PYGM: variants seen among roughly 807,000 people sequenced by gnomAD.
PYGM encodes glycogen phosphorylase, muscle associated.
A neutral mutation model predicts 99.3 loss-of-function variants in PYGM; 81 were observed. The ratio of observed to expected loss-of-function variants is 0.82; its 90% confidence interval spans 0.68 to 0.98. PYGM has a LOEUF of 0.98. Ranked by LOEUF, PYGM falls within the 50% of genes least tolerant of loss-of-function variation. The pLI, the probability that PYGM is intolerant of heterozygous loss-of-function variation, is 0.00. For synonymous variants in PYGM, 436 were observed against 451.5 expected (o/e 0.97, Z 0.44); for missense variants, 1,030 against 1,158.1 (o/e 0.89, Z 1.61).
Position 64,751,911 on chromosome 11 carries a change from G to A in PYGM, c.1768+13C>T. 1.2e-6 allele frequency: 2 copies of A among 1,613,840 alleles called. No individual in the cohort carries two copies. The highest frequency in any genetic ancestry group is 2.2e-5 in the East Asian group (1 of 44,888). On this transcript the variant is annotated intron_variant, in intron 14 of 19. Transcript: ENST00000164139. ...GGAGCACTGAGAGACAGGGTAGAGT[G>A]GCTGCCACTCACGGTTGTACAGGGT...
upstream of PYGM, chr11:64,760,128 GGCC>G: frequency 1.6e-6 from 1 of 644,516 alleles, no homozygotes; most frequent in Non-Finnish European, 2.6e-6. Context: ...GCTCCACTTG[GGCC>G]GCCAAGACTG....
rs2135840980 is a variant in PYGM at position 64,758,705 on chromosome 11, C to T, written c.244-1G>A. On this transcript the variant is annotated splice_acceptor_variant, in intron 1 of 19. Coordinates refer to ENST00000164139, the MANE Select transcript of PYGM (RefSeq NM_005609.4). LOFTEE classifies it high-confidence loss of function. ...ACTCTAAAGACAGGTAGTAGATCCT[C>T]TGCCCAGAGAGACGGATGGGCAGGG... is the stretch of plus-strand genomic sequence containing the variant. 23 of 1,598,634 alleles carry T rather than the reference C, an allele frequency of 1.4e-5. No individual in the cohort carries two copies. Among genetic ancestry groups the T allele is most frequent in the Non-Finnish European group, 2.0e-5 (23 of 1,166,034 alleles).
chr11:64,754,189 C>T lies in PYGM; in HGVS notation c.1092+64G>A. The T allele has an allele frequency of 6.3e-7, 1 of 1,586,492 alleles. No homozygotes were observed. The highest frequency in any genetic ancestry group is 8.7e-7 in the Non-Finnish European group (1 of 1,155,492). On this transcript the variant is annotated intron_variant, in intron 9 of 19. Transcript: ENST00000164139. This position sits in a 1 kb window ranked among gnomAD's most constrained non-coding sequence, Gnocchi z 5.5. ...CTCCATTCATATCCTCCCACGCTCC[C>T]AAACTGGGAAGGGAACCCCGAGGCA...
At position 64,755,288 on chromosome 11, in the gene PYGM, C is replaced by G. The variant is rs2135836148; in HGVS notation, c.840G>C (p.Leu280=). Reference sequence around the variant, plus strand: ...GGTGACGCACATTATCATTGGGGTACAGGACACGAGAGATGTTCTCCGCCA... The same window carrying G: ...GGTGACGCACATTATCATTGGGGTAGAGGACACGAGAGATGTTCTCCGCCA... ...RNLAENISRV[L]YPNDNFFEGK... Residue 280 remains leucine, a synonymous_variant, in exon 7 of 20, where the codon CTG becomes CTC. Transcript: ENST00000164139. The surrounding 1 kb of genome is among the most constrained non-coding windows in gnomAD (Gnocchi z 4.1). The G allele has an allele frequency of 6.2e-7, 1 of 1,614,052 alleles. No individual in the cohort carries two copies. Among genetic ancestry groups the G allele is most frequent in the Non-Finnish European group, 8.5e-7 (1 of 1,179,958 alleles).
chr11:64,751,982 C>T lies in PYGM; in HGVS notation c.1710G>A (p.Arg570=), dbSNP rs1275307996. 6.2e-7 allele frequency: 1 copy of T among 1,607,134 alleles called. No homozygotes were observed. Among genetic ancestry groups the T allele is most frequent in the African/African-American group, 1.3e-5 (1 of 74,604 alleles). ...PNSLFDIQVK[R]IHEYKRQLLN... ...GGAGCTGTCGTTTATATTCGTGAAT[C>T]CGCTTCACCTGGATGTCGAAGAGTG... Residue 570 remains arginine (R), a synonymous_variant, in exon 14 of 20, where the codon CGG becomes CGA. Transcript: ENST00000164139.
chr11:64,747,147 C>G (rs2058317856), intron 18 of PYGM, 77 bp downstream of exon 18: 3 of 1,591,626 alleles, frequency 1.9e-6, no homozygotes, highest in Admixed American at 3.3e-5. Flanking sequence ...GACCCGCGTC[C>G]GGCTTCCCCA....
rs770034824 is a variant in PYGM, at chr11:64,752,015, G to A, written c.1677C>T (p.Asn559=). 2.5e-6 allele frequency: 4 copies of A among 1,614,124 alleles called. No individual in the cohort carries two copies. The East Asian group carries it at 8.9e-5, about 36-fold the overall frequency. The change falls in exon 14 of 20, where the codon AAC becomes AAT. Residue 559 remains asparagine (N), a synonymous_variant. Transcript: ENST00000164139. ...CCTGGATGTCGAAGAGTGAGTTGGG[G>A]TTGATGTGGACTTTGTATTCCCTCT... The part of the protein sequence containing the change: ...YLEREYKVHI[N]PNSLFDIQVK...
At position 64,755,159 on chromosome 11, in the gene PYGM, C is replaced by T; in HGVS notation, c.855+114G>A. On this transcript the variant is annotated intron_variant, in intron 7 of 19. Coordinates refer to ENST00000164139, the MANE Select transcript of PYGM (RefSeq NM_005609.4). This position sits in a 1 kb window ranked among gnomAD's most constrained non-coding sequence, Gnocchi z 4.1. ...GGTGGGGGCACAGGATGCACAAGGC[C>T]AGCAATATGCCCTGGGTGTGACTAG... The T allele has an allele frequency of 1.6e-6, 2 of 1,240,772 alleles. No individual in the cohort carries two copies. The highest frequency in any genetic ancestry group is 1.5e-5 in the African/African-American group (1 of 67,616). The allele number at this position is 1,240,772 out of a possible 1,614,324, so 76.9% of individuals were successfully genotyped here. A position where few individuals can be genotyped will look rare whatever the true frequency, so the allele number is the denominator to read the frequency against.
At chr11:64,748,410 AG>A (rs2058329940) in intron 17 of PYGM, 2 of 152,172 alleles carry the variant, frequency 1.3e-5, no homozygotes, top group African/African-American at 4.8e-5. Context: ...CACTTCTTTC[AG>A]TGTTTAATGC....
chr11:64,755,566 G>A lies in PYGM; in HGVS notation c.661-8C>T. The A allele has an allele frequency of 6.2e-7, 1 of 1,610,968 alleles. No homozygotes were observed. Among genetic ancestry groups the A allele is most frequent in the Non-Finnish European group, 8.5e-7 (1 of 1,177,352 alleles). On this transcript the variant is annotated splice_region_variant and splice_polypyrimidine_tract_variant and intron_variant, in intron 5 of 19. Coordinates refer to ENST00000164139, the MANE Select transcript of PYGM (RefSeq NM_005609.4). The surrounding 1 kb of genome is among the most constrained non-coding windows in gnomAD (Gnocchi z 4.1). ...GGGCATGGCCAGTACCACCTGCGGG[G>A]GGCAATCCTGTCAGGAGCTGGCCAG... is the stretch of plus-strand genomic sequence containing the variant.
rs1202985306 is a variant in PYGM, at chr11:64,755,727, C to T, written c.661-169G>A. On this transcript the variant is annotated intron_variant, in intron 5 of 19. Coordinates refer to ENST00000164139, the MANE Select transcript of PYGM (RefSeq NM_005609.4). This position sits in a 1 kb window ranked among gnomAD's most constrained non-coding sequence, Gnocchi z 4.1. ...AGCAAACCCCATAGTCTCTCTGGAC[C>T]GCATCTAGAGCAAAGACACCCTCAA... Among the ~76,000 whole-genome samples the T allele has an allele frequency of 6.6e-6, 1 of 152,222 alleles. No homozygotes were observed. The highest frequency in any genetic ancestry group is 6.5e-5 in the Admixed American group (1 of 15,288).
rs199633469 is a variant in PYGM at position 64,750,626 on chromosome 11, C to A, written c.1970-43G>T. 4.2e-5 allele frequency: 66 copies of A among 1,589,524 alleles called. No homozygotes were observed. The African/African-American group carries it at 8.3e-4, about 20-fold the overall frequency. ...GGGGACAAGTCAACTCAGGGAAGACCCTCACACCAGCTGGGGACTCTCAGA... is the reference window on the plus strand; with the variant it reads ...GGGGACAAGTCAACTCAGGGAAGACACTCACACCAGCTGGGGACTCTCAGA... On this transcript the variant is annotated intron_variant, in intron 16 of 19. Transcript: ENST00000164139.
chr11:64,758,356 G>A lies in PYGM; in HGVS notation c.425-7C>T, dbSNP rs1231158727. 2 of 1,613,428 alleles carry A rather than the reference G, an allele frequency of 1.2e-6. No homozygotes were observed. The highest frequency in any genetic ancestry group is 1.1e-5 in the South Asian group (1 of 91,066). On this transcript the variant is annotated splice_polypyrimidine_tract_variant and splice_region_variant and intron_variant, in intron 3 of 19. Coordinates refer to ENST00000164139, the MANE Select transcript of PYGM (RefSeq NM_005609.4). ...ATGGAGTCAAGAAAGCAGGCTGGGGGTGTGCAGGGAGGTGGCTGTCAGGGA... is the reference window on the plus strand; with the variant it reads ...ATGGAGTCAAGAAAGCAGGCTGGGGATGTGCAGGGAGGTGGCTGTCAGGGA...
chr11:64,755,445 A>G lies in PYGM; in HGVS notation c.772+2T>C. On this transcript the variant is annotated splice_donor_variant, in intron 6 of 19. Coordinates refer to ENST00000164139, the MANE Select transcript of PYGM (RefSeq NM_005609.4). LOFTEE classifies it high-confidence loss of function. The surrounding 1 kb of genome is among the most constrained non-coding windows in gnomAD (Gnocchi z 4.1). ...TTGCTGGCTACCAGTGGATGAACTC[A>G]CAGTCCTTGAGGTTGAAGTCATTGG... The G allele has an allele frequency of 2.5e-6, 4 of 1,613,896 alleles. No individual in the cohort carries two copies. The highest frequency in any genetic ancestry group is 3.4e-6 in the Non-Finnish European group (4 of 1,179,764).
chr11:64,756,787 G>C (rs1336194418), intron 5 of PYGM, among the ~76,000 whole-genome samples: 1 of 151,962 alleles, frequency 6.6e-6, no homozygotes, highest in Non-Finnish European at 1.5e-5. Context: ...TTGGTTTTAA[G>C]GTTTTCAGTT....
In PYGM at chr11:64,757,881, G is replaced by A. The variant is rs144298015; in HGVS notation, c.558C>T (p.Tyr186=). ...QMEEADDWLR[Y]GNPWEKARPE... ...GCCGGGCCTTCTCCCAGGGGTTGCC[G>A]TAGCGAAGCCAGTCATCGGCCTCCT... Residue 186 remains tyrosine, a synonymous_variant, in exon 5 of 20, where the codon TAC becomes TAT. Transcript: ENST00000164139. The A allele has an allele frequency of 3.4e-4, 555 of 1,613,980 alleles. No homozygotes were observed. The highest frequency in any genetic ancestry group is 4.5e-4 in the Non-Finnish European group (527 of 1,180,036).
rs747755385 is a variant in PYGM, at chr11:64,752,022, T to C, written c.1670A>G (p.His557Arg). 6.2e-7 allele frequency: 1 copy of C among 1,614,164 alleles called. No individual in the cohort carries two copies. The highest frequency in any genetic ancestry group is 8.5e-7 in the Non-Finnish European group (1 of 1,180,032). Residue 557 changes from histidine (H) to arginine (R), a missense_variant, in exon 14 of 20, where the codon CAC becomes CGC. Physicochemically the swap from His to Arg is conservative, Grantham distance 29. Transcript: ENST00000164139. ...GTCGAAGAGTGAGTTGGGGTTGATG[T>C]GGACTTTGTATTCCCTCTCTAGGTA... ...AAYLEREYKV[H>R]INPNSLFDIQ...
At chr11:64,757,433 G>C (rs916899966) in intron 5 of PYGM, among the ~76,000 whole-genome samples, 4 of 152,162 alleles carry the variant, frequency 2.6e-5, no homozygotes, top group African/African-American at 9.7e-5. Flanking sequence ...GTTTTCTCCT[G>C]TCCCCCTTTC....
Position 64,754,231 on chromosome 11 carries a change from G to T in PYGM, c.1092+22C>A, listed in dbSNP as rs769534370. 1.3e-6 allele frequency: 2 copies of T among 1,599,636 alleles called. No homozygotes were observed. The highest frequency in any genetic ancestry group is 2.7e-5 in the African/African-American group (2 of 74,514). On this transcript the variant is annotated intron_variant, in intron 9 of 19. Coordinates refer to ENST00000164139, the MANE Select transcript of PYGM (RefSeq NM_005609.4). The surrounding 1 kb of genome is among the most constrained non-coding windows in gnomAD (Gnocchi z 5.5). The stretch of plus-strand genomic sequence containing the variant: ...CCCGAGGCAGAGAGCATCAGATGGG[G>T]CAGAGGGGCCCTGAAGCCCACCTTG...
Sources: gnomAD v4.1 joint callset for allele counts (sites outside exome capture counted in the v4.1 genomes callset) on GRCh38, gnomAD v4.1.1 for gene constraint, Gnocchi (gnomAD v3.1) non-coding constraint, MANE v1.5 for transcripts, NCBI Gene and HGNC (gene_info 2026-07-23, HGNC 2026-07-21) for gene names.